Variants in ATP7A observed in about 807,000 individuals in gnomAD.
ATP7A encodes ATPase copper transporting alpha.
A neutral mutation model predicts 83.5 loss-of-function variants in ATP7A; 7 were observed. That is an observed-to-expected ratio of 0.08 (90% CI 0.05 to 0.16). ATP7A has a LOEUF of 0.16. Ranked by LOEUF, ATP7A falls within the 10% of genes least tolerant of loss-of-function variation. The pLI is 1.00. For synonymous variants in ATP7A, 354 were observed against 395.2 expected, an observed-to-expected ratio of 0.90 and a Z score of 1.24; for missense variants, 940 against 1,120.8, an observed-to-expected ratio of 0.84 and a Z score of 2.30.
intron 6 of ATP7A, among the ~76,000 whole-genome samples, chrX:78,004,620 C>T (rs1000816251): frequency 8.1e-4 from 90 of 111,052 alleles, no homozygotes; most frequent in African/African-American, 2.9e-3. Flanking sequence ...TGGTGGCTCA[C>T]GCCTGTAATC....
intron 2 of ATP7A, among the ~76,000 whole-genome samples, chrX:77,985,664 A>C (rs2077632184): frequency 9.0e-6 from 1 of 111,602 alleles, no homozygotes; most frequent in Non-Finnish European, 1.9e-5. Flanking sequence ...TGTTTTAAAA[A>C]ATAATCATCT....
At chrX:77,948,936 G>A (rs1302474809) in intron 1 of ATP7A, among the ~76,000 whole-genome samples, 2 of 110,618 alleles carry the variant, frequency 1.8e-5, no homozygotes, top group African/African-American at 6.6e-5. Flanking sequence ...TTGTCGCCCA[G>A]GCTGGAGTAC....
At chrX:78,041,687 G>A (rs1191339706) in intron 19 of ATP7A, among the ~76,000 whole-genome samples, 4 of 111,668 alleles carry the variant, frequency 3.6e-5, no homozygotes, top group Non-Finnish European at 7.5e-5. Context: ...TTTTTCATAT[G>A]CATATATGTG....
In ATP7A at chrX:78,020,967, A is replaced by G; in HGVS notation, c.2804A>G (p.Asp935Gly). 8.3e-7 allele frequency: 1 copy of G among 1,207,612 alleles called. No individual in the cohort carries two copies. The highest frequency in any genetic ancestry group is 1.7e-5 in the African/African-American group (1 of 57,742). Residue 935 changes from aspartate (D) to glycine (G), a missense_variant, in exon 14 of 23, where the codon GAC (aspartate) becomes GGC (glycine). By Grantham distance (94) the Asp-to-Gly change is moderately conservative. Around this residue, in one of 3 missense-constraint regions of ATP7A, gnomAD observed 386 missense variants for 502.2 expected, o/e 0.77. Transcript: ENST00000341514. ...TAGGCTCCTATCCAGCAGTTTGCAG[A>G]CAAACTCAGTGGCTATTTTGTTCCT... ...TSKAPIQQFA[D>G]KLSGYFVPFI...
chrX:78,046,379 G>A lies in ATP7A; in HGVS notation c.4312G>A (p.Val1438Ile), dbSNP rs782682493. ...QKSPSEISVHVGIDDTSRNSP... is the reference protein window; with the variant it reads ...QKSPSEISVHIGIDDTSRNSP... ...GAGTCCTTCAGAAATCAGCGTTCAT[G>A]TTGGAATAGATGATACCTCAAGGAA... Residue 1438 changes from valine (V) to isoleucine (I), a missense_variant, in exon 23 of 23, where the codon GTT (valine) becomes ATT (isoleucine). Around this residue, in one of 3 missense-constraint regions of ATP7A, gnomAD observed 386 missense variants for 502.2 expected, o/e 0.77. Coordinates refer to ENST00000341514, the MANE Select transcript of ATP7A (RefSeq NM_000052.7). 2.6e-5 allele frequency: 32 copies of A among 1,209,709 alleles called. No homozygotes were observed. Among genetic ancestry groups the A allele is most frequent in the Non-Finnish European group, 3.4e-5 (30 of 894,874 alleles).
rs1405618648 is a variant in ATP7A, at chrX:77,965,643, C to T, written c.-21-5978C>T. ...AGAGTTATTATATGACCCAGCAAGT[C>T]TACTCTTAGGTATTACCAAAGAGAA... On this transcript the variant is annotated intron_variant, in intron 1 of 22. Coordinates refer to ENST00000341514, the MANE Select transcript of ATP7A (RefSeq NM_000052.7). Among the ~76,000 whole-genome samples, 3 of 111,748 alleles carry T rather than the reference C, an allele frequency of 2.7e-5. No homozygotes were observed. The Admixed American group carries it at 2.9e-4, about 11-fold the overall frequency.
chrX:78,045,619 C>A, intron 22 of ATP7A, 47 bp downstream of exon 22: 1 of 1,033,964 alleles, frequency 9.7e-7, no homozygotes, highest in Non-Finnish European at 1.4e-6. Flanking sequence ...TTCCTGTTAT[C>A]ATCTAGTCAT....
intron 1 of ATP7A, among the ~76,000 whole-genome samples, chrX:77,932,554 G>A (rs932067256): frequency 8.9e-6 from 1 of 112,152 alleles, no homozygotes; most frequent in Non-Finnish European, 1.9e-5. Flanking sequence ...CAAGGCAGGC[G>A]GCTGGGAGGT....
intron 12 of ATP7A, 104 bp downstream of exon 12, chrX:78,015,985 G>A (rs1170076690): frequency 1.3e-5 from 12 of 945,685 alleles, no homozygotes; most frequent in Non-Finnish European, 1.8e-5. Flanking sequence ...TGAACAGAGA[G>A]AATAAGTTCT....
chrX:77,951,604 G>A (rs2077413917), intron 1 of ATP7A, among the ~76,000 whole-genome samples: 1 of 106,113 alleles, frequency 9.4e-6, no homozygotes, highest in African/African-American at 3.5e-5. Flanking sequence ...TTTTGAGATG[G>A]AGTCTCGCTC....
intron 7 of ATP7A, chrX:78,009,523 T>C (rs2077802608): frequency 3.0e-6 from 1 of 328,300 alleles, no homozygotes; most frequent in African/African-American, 2.6e-5. Flanking sequence ...CTTAAAATAT[T>C]TAGAAAATGG....
intron 1 of ATP7A, among the ~76,000 whole-genome samples, chrX:77,919,783 C>T (rs1467994487): frequency 1.2e-4 from 13 of 112,510 alleles, no homozygotes; most frequent in Admixed American, 9.4e-4. Flanking sequence ...CCACTGTGTC[C>T]GGCCCCATTT....
chrX:78,046,307 A>C lies in ATP7A; in HGVS notation c.4240A>C (p.Thr1414Pro), dbSNP rs144966822. 8.3e-7 allele frequency: 1 copy of C among 1,210,225 alleles called. No individual in the cohort carries two copies. Among genetic ancestry groups the C allele is most frequent in the African/African-American group, 1.7e-5 (1 of 57,262 alleles). ...SLFLKLYRKP[T>P]YESYELPARS... Reference sequence around the variant, plus strand: ...GCATATGTCCAGTTACAGGAAACCAACTTACGAGAGTTATGAACTGCCTGC... The same window carrying C: ...GCATATGTCCAGTTACAGGAAACCACCTTACGAGAGTTATGAACTGCCTGC... The change falls in exon 23 of 23, where the codon ACT (threonine) becomes CCT (proline). Residue 1414 changes from threonine to proline, a missense_variant. Coordinates refer to ENST00000341514, the MANE Select transcript of ATP7A (RefSeq NM_000052.7).
chrX:77,932,270 C>T (rs1339181773), intron 1 of ATP7A, among the ~76,000 whole-genome samples: 5 of 98,189 alleles, frequency 5.1e-5, no homozygotes, highest in Admixed American at 1.1e-4. Context: ...CCAGACGGGG[C>T]GGCGGGGCAG....
chrX:78,021,832 T>C (rs983115493), intron 14 of ATP7A, among the ~76,000 whole-genome samples: 1 of 111,518 alleles, frequency 9.0e-6, no homozygotes, highest in Admixed American at 9.6e-5. Flanking sequence ...GGTTGAAAAC[T>C]TTCAAGCCTA....
chrX:78,031,234 TTC>T (rs1219553326), intron 15 of ATP7A, among the ~76,000 whole-genome samples, 164 bp from the exon 16 acceptor site: 2 of 112,063 alleles, frequency 1.8e-5, no homozygotes, highest in East Asian at 5.5e-4. Context: ...AGAGTATTTC[TTC>T]TTTTATTTTC....
intron 2 of ATP7A, among the ~76,000 whole-genome samples, chrX:77,983,746 G>A (rs1415924750): frequency 1.6e-4 from 18 of 110,571 alleles, no homozygotes; most frequent in Admixed American, 1.1e-3. Flanking sequence ...TCTTGTCCAG[G>A]CTGGAGTGCA....
chrX:78,020,854 G>C lies in ATP7A; in HGVS notation c.2782-91G>C, dbSNP rs1261147681. ...GAAGTTTGTTAAAATATTTCTATTT[G>C]TGCTAACTACTAAATATACTCTGCA... On this transcript the variant is annotated intron_variant, in intron 13 of 22. Transcript: ENST00000341514. 4 of 980,430 alleles carry C rather than the reference G, an allele frequency of 4.1e-6. No homozygotes were observed. In the African/African-American group the frequency reaches 7.7e-5, roughly 19 times the overall value. The allele number at this position is 980,430 out of a possible 1,213,427, so 80.8% of individuals were successfully genotyped here.
intron 9 of ATP7A, 145 bp from the exon 10 acceptor site, chrX:78,012,734 C>T (rs934960123): frequency 2.1e-5 from 11 of 519,181 alleles, no homozygotes; most frequent in East Asian, 1.4e-4. Flanking sequence ...AATACAAACA[C>T]GATTGTTTTG....
Sources: gnomAD v4.1 joint callset for allele counts (sites outside exome capture counted in the v4.1 genomes callset) on GRCh38, gnomAD v4.1.1 for gene constraint, gnomAD v4.1.1 regional missense constraint, MANE v1.5 for transcripts, NCBI Gene and HGNC (gene_info 2026-07-23, HGNC 2026-07-21) for gene names.